The following KAT6A variants were observed in gnomAD, a reference collection of about 807,000 sequenced individuals.
KAT6A encodes lysine acetyltransferase 6A.
A neutral mutation model predicts 198.4 loss-of-function variants in KAT6A; 9 were observed. The ratio of observed to expected loss-of-function variants is 0.05; its 90% CI spans 0.03 to 0.08. KAT6A has a LOEUF of 0.08. Ranked by LOEUF, KAT6A falls within the 10% of genes least tolerant of loss-of-function variation. KAT6A has a pLI of 1.00. For synonymous variants in KAT6A, 890 were observed against 883.0 expected (o/e 1.01, Z -0.14); for missense variants, 2,077 against 2,509.9 (o/e 0.83, Z 3.69).
chr8:41,969,128 G>A (rs1272544152), intron 8 of KAT6A, among the ~76,000 whole-genome samples: 1 of 152,164 alleles, frequency 6.6e-6, no homozygotes, highest in Non-Finnish European at 1.5e-5. Flanking sequence ...AATAAACAAT[G>A]TGTTATTAGT....
rs1821595441 is a variant in KAT6A, at chr8:41,932,411, G to A, written c.5809C>T (p.His1937Tyr). ...TGGTTCATGTAGGCAGGGTTACTAT[G>A]GTAACTGCTGTTCATCATGGGCTGT... ...MTQPMMNSSY[H>Y]SNPAYMNQTA... The change falls in exon 17 of 17, where the codon CAT becomes TAT. Residue 1937 changes from histidine to tyrosine, a missense_variant. Physicochemically the swap from His to Tyr is moderately conservative, Grantham distance 83. Around this residue, in one of 13 missense-constraint regions of KAT6A, gnomAD observed 500 missense variants for 577.2 expected, o/e 0.87. Coordinates refer to ENST00000265713, the MANE Select transcript of KAT6A (RefSeq NM_006766.5). 1 of 1,614,088 alleles carries A rather than the reference G, an allele frequency of 6.2e-7. No homozygotes were observed. Among genetic ancestry groups the A allele is most frequent in the Non-Finnish European group, 8.5e-7 (1 of 1,180,048 alleles).
chr8:41,962,961 A>G (rs1193389424), intron 8 of KAT6A, among the ~76,000 whole-genome samples: 1 of 152,090 alleles, frequency 6.6e-6, no homozygotes, highest in Non-Finnish European at 1.5e-5. Flanking sequence ...GCTAAATGTC[A>G]GAGAGACAGT....
At chr8:41,959,462 G>A (rs912694644) in intron 8 of KAT6A, among the ~76,000 whole-genome samples, 54 of 152,280 alleles carry the variant, frequency 3.5e-4, no homozygotes, top group African/African-American at 1.3e-3. Flanking sequence ...CCTCAAAAAA[G>A]TAAACAGAAT....
intron 3 of KAT6A, among the ~76,000 whole-genome samples, chr8:41,984,359 T>C (rs537671433): frequency 1.3e-5 from 2 of 152,324 alleles, no homozygotes; most frequent in African/African-American, 4.8e-5. Flanking sequence ...GCTGCAGGCA[T>C]GCATGCAGTC....
chr8:42,011,721 C>G (rs551587301), intron 2 of KAT6A, among the ~76,000 whole-genome samples: 21 of 148,722 alleles, frequency 1.4e-4, no homozygotes, highest in African/African-American at 5.2e-4. Flanking sequence ...GCCTGGGCAA[C>G]AAGAGTGAAA....
intron 8 of KAT6A, chr8:41,957,699 T>A (rs780158870): frequency 1.2e-5 from 2 of 167,112 alleles, no homozygotes; most frequent in Non-Finnish European, 2.6e-5. Flanking sequence ...AGGGGGTGGA[T>A]TAAATACACT....
chr8:41,954,057 T>A (rs976316005), intron 9 of KAT6A, among the ~76,000 whole-genome samples: 1 of 152,096 alleles, frequency 6.6e-6, no homozygotes, highest in African/African-American at 2.4e-5. Flanking sequence ...CCTCAATTGC[T>A]GTGTTTCATG....
At chr8:42,003,585 T>C (rs1825602741) in intron 2 of KAT6A, among the ~76,000 whole-genome samples, 1 of 152,134 alleles carries the variant, frequency 6.6e-6, no homozygotes, top group African/African-American at 2.4e-5. Context: ...ATCATTTTCT[T>C]TACTGAAGTA....
Position 42,042,554 on chromosome 8 carries a change from T to C in KAT6A, c.600+5824A>G, listed in dbSNP as rs142903257. 2.3e-3 allele frequency among the ~76,000 whole-genome samples: 345 copies of C among 152,180 alleles called. 1 individual carries two copies. Among genetic ancestry groups the C allele is most frequent in the African/African-American group, 8.0e-3 (334 of 41,514 alleles). On this transcript the variant is annotated intron_variant, in intron 2 of 16. Transcript: ENST00000265713. Reference sequence around the variant, plus strand: ...CTATAATTTAAAATATAAATTCCAATAAAACAAAATAATTTGGACTCTACT... The same window carrying C: ...CTATAATTTAAAATATAAATTCCAACAAAACAAAATAATTTGGACTCTACT...
Position 41,930,998 on chromosome 8 carries a change from T to G in KAT6A, c.*1207A>C, listed in dbSNP as rs1018238943. On this transcript the variant is annotated 3_prime_UTR_variant, in exon 17 of 17. Transcript: ENST00000265713. ...AAAAGACATACAAAAACTAGAGGTA[T>G]GTATCACTTAAATAGCTACGAAACT... 1 of 212,056 alleles carries G rather than the reference T, an allele frequency of 4.7e-6. No homozygotes were observed. Among genetic ancestry groups the G allele is most frequent in the Non-Finnish European group, 9.5e-6 (1 of 104,764 alleles). 13.1% of individuals were successfully genotyped at this position (212,056 alleles called of 1,614,324 possible).
chr8:42,005,504 T>C (rs759553189), intron 2 of KAT6A, among the ~76,000 whole-genome samples: 1 of 152,012 alleles, frequency 6.6e-6, no homozygotes, highest in Non-Finnish European at 1.5e-5. Context: ...CAATAAGAGA[T>C]CAGGAAAGCG....
At chr8:41,969,079 C>T (rs534671563) in intron 8 of KAT6A, among the ~76,000 whole-genome samples, 2 of 152,204 alleles carry the variant, frequency 1.3e-5, no homozygotes, top group Admixed American at 6.5e-5. Context: ...TCTGATAGCC[C>T]CTCCCCGTAC....
Position 41,940,969 on chromosome 8 carries a change from C to A in KAT6A, c.2912G>T (p.Arg971Leu), listed in dbSNP as rs748450137. 6.2e-7 allele frequency: 1 copy of A among 1,614,210 alleles called. No homozygotes were observed. Among genetic ancestry groups the A allele is most frequent in the Non-Finnish European group, 8.5e-7 (1 of 1,180,040 alleles). Reference protein sequence around the residue: ...RLTEGSERLPRRYSEGDRAVL... With the variant: ...RLTEGSERLPLRYSEGDRAVL... Reference sequence around the variant, plus strand: ...AGCCCTGTCACCCTCACTGTAGCGACGGGGCAGCCTCTCACTTCCTTCTGT... The same window carrying A: ...AGCCCTGTCACCCTCACTGTAGCGAAGGGGCAGCCTCTCACTTCCTTCTGT... Residue 971 changes from arginine (R) to leucine (L), a missense_variant, in exon 15 of 17, where the codon CGT (arginine) becomes CTT (leucine). Coordinates refer to ENST00000265713, the MANE Select transcript of KAT6A (RefSeq NM_006766.5).
At chr8:42,023,344 A>G (rs180678601) in intron 2 of KAT6A, among the ~76,000 whole-genome samples, 54 of 152,302 alleles carry the variant, frequency 3.5e-4, no homozygotes, top group African/African-American at 1.2e-3. Context: ...CTAAATTTGG[A>G]AAAAAATTTC....
intron 10 of KAT6A, among the ~76,000 whole-genome samples, chr8:41,948,399 A>C (rs1005043906): frequency 2.6e-5 from 4 of 152,140 alleles, no homozygotes; most frequent in African/African-American, 9.7e-5. Context: ...AAACTACTTA[A>C]GGGGGTACTA....
At chr8:41,956,471 C>T (rs1037461970) in intron 8 of KAT6A, among the ~76,000 whole-genome samples, 1 of 152,212 alleles carries the variant, frequency 6.6e-6, no homozygotes, top group Non-Finnish European at 1.5e-5. Flanking sequence ...CTTGTTGGAG[C>T]ATGCAGACAC....
chr8:42,046,836 T>C (rs1347838740), intron 2 of KAT6A, among the ~76,000 whole-genome samples: 2 of 152,242 alleles, frequency 1.3e-5, no homozygotes, highest in Non-Finnish European at 2.9e-5. Flanking sequence ...AGCCATTTTA[T>C]GAATGAGATT....
At chr8:41,988,920 C>T (rs151141978) in intron 2 of KAT6A, among the ~76,000 whole-genome samples, 1 of 152,114 alleles carries the variant, frequency 6.6e-6, no homozygotes, top group African/African-American at 2.4e-5. Flanking sequence ...TTCATTGGTT[C>T]ATTGATTTGC....
intron 3 of KAT6A, among the ~76,000 whole-genome samples, chr8:41,985,527 G>A (rs927114177): frequency 3.3e-5 from 5 of 152,166 alleles, no homozygotes; most frequent in Non-Finnish European, 5.9e-5. Context: ...GGTAACAACC[G>A]TATCCATGCT....
Sources: gnomAD v4.1 joint callset for allele counts (sites outside exome capture counted in the v4.1 genomes callset) on GRCh38, gnomAD v4.1.1 for gene constraint, gnomAD v4.1.1 regional missense constraint, MANE v1.5 for transcripts, NCBI Gene and HGNC (gene_info 2026-07-23, HGNC 2026-07-21) for gene names.